HPS4: variants seen among roughly 807,000 people sequenced by gnomAD.
HPS4 encodes the protein BLOC-3 complex member HPS4.
A neutral mutation model predicts 70.3 loss-of-function variants in HPS4; 44 were observed. The observed-to-expected ratio is 0.63, with a 90% CI of 0.49 to 0.80. The LOEUF (loss-of-function observed/expected upper bound fraction) is 0.80, where lower values mean the gene tolerates loss of function less well. HPS4 is among the 30% of genes least tolerant of loss of function. The probability of loss-of-function intolerance (pLI) is 0.00; values close to 1 mark genes in which losing one functional copy is unlikely to be tolerated. For missense variants in HPS4, 873 were observed against 884.4 expected, an observed-to-expected ratio of 0.99 and a Z score of 0.16; for synonymous variants, 377 against 355.9, an observed-to-expected ratio of 1.06 and a Z score of -0.67.
intron 13 of HPS4, 64 bp from the exon 14 acceptor site, chr22:26,453,468 G>T (rs752806729): frequency 1.8e-5 from 29 of 1,568,962 alleles, no homozygotes; most frequent in Non-Finnish European, 2.4e-5. Context: ...ACCACACAGA[G>T]ACCTCAGTAA....
At chr22:26,470,903 G>A in intron 6 of HPS4, 90 bp from the exon 7 acceptor site, 2 of 1,574,096 alleles carry the variant, frequency 1.3e-6, no homozygotes, top group Non-Finnish European at 1.7e-6. Flanking sequence ...AGAACAGCTG[G>A]ACAGGGTGTA....
intron 11 of HPS4, 108 bp from the exon 12 acceptor site, chr22:26,458,685 G>C: frequency 7.6e-7 from 1 of 1,315,556 alleles, no homozygotes. Context: ...AGCCAGGCAC[G>C]GTGGCTCACA....
chr22:26,475,194 G>A (rs1428171547), intron 4 of HPS4, among the ~76,000 whole-genome samples: 10 of 152,018 alleles, frequency 6.6e-5, no homozygotes, highest in Non-Finnish European at 7.4e-5. Flanking sequence ...ATCAAAAGAA[G>A]AACAGATTGT....
At chr22:26,460,450 C>A (rs1241068619) in intron 11 of HPS4, among the ~76,000 whole-genome samples, 1 of 152,224 alleles carries the variant, frequency 6.6e-6, no homozygotes, top group East Asian at 1.9e-4. Context: ...CACAGCCTCA[C>A]TGAAAGTTTT....
At chr22:26,466,425 C>A (rs1001576117) in intron 8 of HPS4, 163 bp from the exon 9 acceptor site, 2 of 783,332 alleles carry the variant, frequency 2.6e-6, no homozygotes, top group African/African-American at 1.7e-5. Flanking sequence ...GAAGCTCCCC[C>A]AAGCTGCTGG....
At chr22:26,473,060 T>C in intron 4 of HPS4, 121 bp from the exon 5 acceptor site, 2 of 817,422 alleles carry the variant, frequency 2.4e-6, no homozygotes, top group Non-Finnish European at 4.2e-6. Flanking sequence ...TGATCTTCTA[T>C]TGTCCCTGAG....
rs184033740 is a variant in HPS4 at position 26,479,380 on chromosome 22, A to G, written c.42-25T>C. 3.2e-5 allele frequency: 52 copies of G among 1,612,722 alleles called. No homozygotes were observed. The Admixed American group carries it at 5.7e-4, about 18-fold the overall frequency. On this transcript the variant is annotated intron_variant, in intron 2 of 13. Coordinates refer to ENST00000398145, the MANE Select transcript of HPS4 (RefSeq NM_022081.6). ...CCTGGCAAGAGAACAGAGTGGAGCC[A>G]TGTTTCCTTTAATCCAGTGATCACG...
chr22:26,475,370 G>A (rs1471929543), intron 4 of HPS4: 1 of 33,722 alleles, frequency 3.0e-5, no homozygotes, highest in African/African-American at 1.2e-4. Flanking sequence ...TTTTTTTTTT[G>A]AGATGGAGTT....
downstream of HPS4, chr22:26,443,188 C>A (rs779101531): frequency 1.2e-6 from 2 of 1,614,120 alleles, no homozygotes; most frequent in Non-Finnish European, 1.7e-6. Context: ...TTGATTTCAT[C>A]TTTGCTCCGG....
intron 2 of HPS4, among the ~76,000 whole-genome samples, chr22:26,479,858 G>A (rs2091085214): frequency 6.6e-6 from 1 of 152,168 alleles, no homozygotes; most frequent in African/African-American, 2.4e-5. Context: ...GAGCAAACAC[G>A]CAGTTTCAAT....
intron 9 of HPS4, chr22:26,465,753 C>A: frequency 1.7e-6 from 1 of 603,014 alleles, no homozygotes; most frequent in Middle Eastern, 4.4e-4. Flanking sequence ...CTGCAGGCAA[C>A]ATGACTCCCA....
intron 2 of HPS4, chr22:26,479,730 T>C: frequency 9.7e-7 from 1 of 1,032,290 alleles, no homozygotes; most frequent in Non-Finnish European, 1.2e-6. Context: ...TAGGGATGTA[T>C]TAGATGCACT....
downstream of HPS4, among the ~76,000 whole-genome samples, chr22:26,447,960 TC>T (rs1229859385): frequency 3.3e-5 from 5 of 152,300 alleles, no homozygotes; most frequent in African/African-American, 1.2e-4. Flanking sequence ...CGAGGTTCCT[TC>T]CCCTACCTCA....
At chr22:26,483,414 T>C (rs997095614) in intron 1 of HPS4, among the ~76,000 whole-genome samples, 4 of 152,138 alleles carry the variant, frequency 2.6e-5, no homozygotes, top group Non-Finnish European at 4.4e-5. Context: ...GTGATACTGC[T>C]GTGGGAAGGG....
intron 13 of HPS4, among the ~76,000 whole-genome samples, chr22:26,455,943 A>C (rs1217829989): frequency 2.6e-5 from 4 of 151,824 alleles, no homozygotes; most frequent in East Asian, 1.9e-4. Flanking sequence ...AGACACACAC[A>C]CCCCCAACAC....
At chr22:26,476,338 A>T (rs1055320359) in intron 4 of HPS4, 21 of 152,134 alleles carry the variant, frequency 1.4e-4, no homozygotes, top group African/African-American at 5.1e-4. Context: ...TTAGAATGTA[A>T]AGGAATGATT....
In HPS4 at chr22:26,472,924, C is replaced by A; in HGVS notation, c.292G>T (p.Val98Leu). The change falls in exon 5 of 14, where the codon GTG becomes TTG. Residue 98 changes from valine to leucine, a missense_variant. Physicochemically the swap from Val to Leu is conservative, Grantham distance 32. Coordinates refer to ENST00000398145, the MANE Select transcript of HPS4 (RefSeq NM_022081.6). ...GDYLWVLGCAVELPDVSCKRF... is the reference protein window; with the variant it reads ...GDYLWVLGCALELPDVSCKRF... Reference sequence around the variant, plus strand: ...TTGCAGCTGACATCAGGGAGCTCCACAGCACAGCCCAGCACCTGTAAAGAG... The same window carrying A: ...TTGCAGCTGACATCAGGGAGCTCCAAAGCACAGCCCAGCACCTGTAAAGAG... 6.2e-7 allele frequency: 1 copy of A among 1,614,128 alleles called. No homozygotes were observed. The highest frequency in any genetic ancestry group is 8.5e-7 in the Non-Finnish European group (1 of 1,179,932).
intron 1 of HPS4, chr22:26,483,003 T>G (rs1250487553): frequency 6.6e-6 from 1 of 152,266 alleles, no homozygotes; most frequent in African/African-American, 2.4e-5. Flanking sequence ...CTCAAATGTT[T>G]GCTCACCATT....
At position 26,453,360 on chromosome 22, in the gene HPS4, T is replaced by C. The variant is rs368602340; in HGVS notation, c.2000A>G (p.Glu667Gly). Residue 667 changes from glutamate to glycine, a missense_variant, in exon 14 of 14, where the codon GAG (glutamate) becomes GGG (glycine). Glu to Gly is a moderately conservative substitution (Grantham distance 98, BLOSUM62 -2). Transcript: ENST00000398145. Reference sequence around the variant, plus strand: ...AGGTGCCAGCTGCTGGAAATATGTCTCCTGGATGGGGTTGCAACAGGCGTA... The same window carrying C: ...AGGTGCCAGCTGCTGGAAATATGTCCCCTGGATGGGGTTGCAACAGGCGTA... ...AVYACCNPIQ[E>G]TYFQQLAPAA... 2.3e-5 allele frequency: 37 copies of C among 1,614,036 alleles called. No individual in the cohort carries two copies. Among genetic ancestry groups the C allele is most frequent in the Non-Finnish European group, 3.1e-5 (36 of 1,180,048 alleles).
Sources: allele counts gnomAD v4.1 joint callset (sites outside exome capture counted in the v4.1 genomes callset), GRCh38; gene constraint gnomAD v4.1.1; transcripts MANE v1.5; gene names NCBI Gene and HGNC (gene_info 2026-07-23, HGNC 2026-07-21).